THSD7B: variants seen among roughly 807,000 people sequenced by gnomAD.
The protein encoded by THSD7B is thrombospondin type 1 domain containing 7B.
A neutral mutation model predicts 213.6 loss-of-function variants in THSD7B; 138 were observed. The observed-to-expected ratio is 0.65, with a 90% confidence interval of 0.56 to 0.74. The LOEUF is 0.74. THSD7B is among the 30% of genes least tolerant of loss of function. The probability of loss-of-function intolerance (pLI) is 0.00; values close to 1 mark genes in which losing one functional copy is unlikely to be tolerated. For missense variants in THSD7B, 1,931 were observed against 1,991.5 expected (o/e 0.97, Z 0.58); for synonymous variants, 742 against 687.0 (o/e 1.08, Z -1.25).
chr2:137,388,059 A>G (rs1160906792), intron 12 of THSD7B, among the ~76,000 whole-genome samples: 1 of 152,212 alleles, frequency 6.6e-6, no homozygotes, highest in Non-Finnish European at 1.5e-5. Context: ...AGACTCTAGT[A>G]ATACTTTTAG....
At position 136,884,075 on chromosome 2, in the gene THSD7B, A is replaced by G. The variant is rs1040572088; in HGVS notation, c.139+1758A>G. Among the ~76,000 whole-genome samples the G allele has an allele frequency of 2.0e-5, 3 of 152,178 alleles. No homozygotes were observed. In the East Asian group the frequency reaches 5.8e-4, roughly 29 times the overall value. On this transcript the variant is annotated intron_variant, in intron 2 of 27. Transcript: ENST00000409968. Reference sequence around the variant, plus strand: ...CAATCTCTTTTGTATCCTTCAGAAAATTTCCTTGTACATGTAAGTACACAT... The same window carrying G: ...CAATCTCTTTTGTATCCTTCAGAAAGTTTCCTTGTACATGTAAGTACACAT...
Position 137,615,823 on chromosome 2 carries a change from A to ATTT in THSD7B, c.3424-352_3424-351insTTT, listed in dbSNP as rs1558860537. On this transcript the variant is annotated intron_variant, in intron 17 of 27. Coordinates refer to ENST00000409968, the MANE Select transcript of THSD7B (RefSeq NM_001316349.2). ...ACAGGGCAGTTTCTTCCTTTTTTTA[A>ATTT]AAAAAAAAGCATTTAAACATTCAAA... 1.0e-3 allele frequency among the ~76,000 whole-genome samples: 145 copies of ATTT among 144,610 alleles called. 3 individuals are homozygous for ATTT. The highest frequency in any genetic ancestry group is 8.1e-3 in the South Asian group (35 of 4,346). The allele number at this position is 144,610 out of a possible 152,430, so 94.9% of individuals were successfully genotyped here. A position where few individuals can be genotyped will look rare whatever the true frequency, so the allele number is the denominator to read the frequency against.
chr2:137,541,103 T>G (rs1027567696), intron 15 of THSD7B, among the ~76,000 whole-genome samples: 12 of 151,704 alleles, frequency 7.9e-5, no homozygotes, highest in Non-Finnish European at 1.3e-4. Flanking sequence ...AAGGCATCTT[T>G]GTCAGATCAT....
chr2:137,476,205 T>C (rs1051529483), intron 15 of THSD7B, among the ~76,000 whole-genome samples: 2 of 152,146 alleles, frequency 1.3e-5, no homozygotes, highest in Non-Finnish European at 2.9e-5. Context: ...TTGTATATAC[T>C]GGATATTATT....
chr2:137,456,703 TG>T (rs1687771415), intron 15 of THSD7B, among the ~76,000 whole-genome samples: 1 of 152,192 alleles, frequency 6.6e-6, no homozygotes, highest in Admixed American at 6.5e-5. Context: ...GGGAGGTTGG[TG>T]GTTTTACCTT....
At position 137,525,127 on chromosome 2, in the gene THSD7B, G is replaced by T. The variant is rs371464999; in HGVS notation, c.3139-38094G>T. ...TAAATATTTGCTGTTTGGCTAAGAG[G>T]TTCAAAGCACCAAGGGTAGTGGAAC... On this transcript the variant is annotated intron_variant, in intron 15 of 27. Transcript: ENST00000409968. Among the ~76,000 whole-genome samples, 4 of 152,290 alleles carry T rather than the reference G, an allele frequency of 2.6e-5. No homozygotes were observed. The East Asian group carries it at 5.8e-4, about 22-fold the overall frequency.
chr2:136,873,067 A>T (rs978039786), intron 1 of THSD7B, among the ~76,000 whole-genome samples: 4 of 150,736 alleles, frequency 2.7e-5, no homozygotes, highest in Non-Finnish European at 5.9e-5. Context: ...GAATATAGCA[A>T]TGTTTGTCAC....
intron 3 of THSD7B, among the ~76,000 whole-genome samples, chr2:137,064,950 G>GTT (rs796699254): frequency 6.8e-6 from 1 of 147,566 alleles, no homozygotes. Context: ...GATTCCTCCA[G>GTT]TTTTTTTTTT....
At chr2:137,482,685 T>G (rs915993055) in intron 15 of THSD7B, among the ~76,000 whole-genome samples, 2 of 135,354 alleles carry the variant, frequency 1.5e-5, no homozygotes, top group Admixed American at 7.2e-5. Flanking sequence ...AAGAAAACTG[T>G]TTTTTTTTTT....
chr2:136,927,330 G>C (rs981640385), intron 2 of THSD7B, among the ~76,000 whole-genome samples: 1 of 152,072 alleles, frequency 6.6e-6, no homozygotes, highest in Admixed American at 6.5e-5. Flanking sequence ...TGGGCAGCCG[G>C]TATGCTGACT....
At chr2:136,968,463 C>T (rs1685354572) in intron 2 of THSD7B, among the ~76,000 whole-genome samples, 1 of 151,876 alleles carries the variant, frequency 6.6e-6, no homozygotes, top group South Asian at 2.1e-4. Flanking sequence ...ATTTAGGTTT[C>T]TCTTTATTTC....
chr2:136,857,376 G>C (rs1362908168), intron 1 of THSD7B, among the ~76,000 whole-genome samples: 2 of 152,138 alleles, frequency 1.3e-5, no homozygotes, highest in Admixed American at 6.6e-5. Flanking sequence ...CCACATGCCT[G>C]CGTTCCCACC....
intron 12 of THSD7B, among the ~76,000 whole-genome samples, chr2:137,399,880 G>A (rs1381029740): frequency 6.6e-6 from 1 of 151,826 alleles, no homozygotes; most frequent in Non-Finnish European, 1.5e-5. Context: ...TAAATGCTTT[G>A]TTCATTATTT....
intron 12 of THSD7B, among the ~76,000 whole-genome samples, chr2:137,326,918 G>A (rs1474014947): frequency 6.6e-6 from 1 of 152,102 alleles, no homozygotes; most frequent in Non-Finnish European, 1.5e-5. Flanking sequence ...GCTTAAGTGT[G>A]TTTTATGATA....
Position 137,487,257 on chromosome 2 carries a change from A to G in THSD7B, c.3138+36234A>G, listed in dbSNP as rs1195164167. Among the ~76,000 whole-genome samples the G allele has an allele frequency of 2.0e-5, 3 of 146,546 alleles. No homozygotes were observed. The East Asian group carries it at 6.0e-4, about 29-fold the overall frequency. On this transcript the variant is annotated intron_variant, in intron 15 of 27. Coordinates refer to ENST00000409968, the MANE Select transcript of THSD7B (RefSeq NM_001316349.2). ...GTGGCGGGCGCCTGTAGTCCCAGCT[A>G]CTGGGGAGGCTGAGGCAGGAGAATG...
intron 12 of THSD7B, among the ~76,000 whole-genome samples, chr2:137,363,043 A>T (rs1685306859): frequency 6.6e-6 from 1 of 152,204 alleles, no homozygotes; most frequent in African/African-American, 2.4e-5. Context: ...TGTCTCTCAG[A>T]CCACAGTGCA....
At chr2:137,362,614 C>A (rs1253084675) in intron 12 of THSD7B, among the ~76,000 whole-genome samples, 1 of 151,970 alleles carries the variant, frequency 6.6e-6, no homozygotes, top group Non-Finnish European at 1.5e-5. Flanking sequence ...GTCTTTAAAC[C>A]AACAAAGATC....
At chr2:137,539,228 G>T (rs893790881) in intron 15 of THSD7B, among the ~76,000 whole-genome samples, 1 of 151,596 alleles carries the variant, frequency 6.6e-6, no homozygotes, top group Non-Finnish European at 1.5e-5. Flanking sequence ...TGCCTTAGGG[G>T]CCAAGTGCTA....
At chr2:137,203,442 A>G (rs1471298399) in intron 7 of THSD7B, among the ~76,000 whole-genome samples, 1 of 152,082 alleles carries the variant, frequency 6.6e-6, no homozygotes, top group Non-Finnish European at 1.5e-5. Context: ...CAATATTTTA[A>G]TGATAAATAC....
Sources: allele counts gnomAD v4.1 joint callset (sites outside exome capture counted in the v4.1 genomes callset), GRCh38; gene constraint gnomAD v4.1.1; transcripts MANE v1.5; gene names NCBI Gene and HGNC (gene_info 2026-07-23, HGNC 2026-07-21).